Variants in DENND1A observed in about 807,000 individuals in gnomAD.
The protein encoded by DENND1A is DENN domain-containing protein 1A.
DENND1A carries 51 observed loss-of-function variants against 113.7 expected under a neutral mutation model. The observed-to-expected ratio is 0.45, with a 90% CI of 0.36 to 0.57. The LOEUF is 0.57. DENND1A is among the 20% of genes least tolerant of loss of function. DENND1A has a pLI of 0.00. For synonymous variants in DENND1A, 565 were observed against 570.8 expected (o/e 0.99, Z 0.14); for missense variants, 1,258 against 1,395.9 (o/e 0.90, Z 1.57).
chr9:123,402,418 G>T, intron 21 of DENND1A: 1 of 480,012 alleles, frequency 2.1e-6, no homozygotes. Flanking sequence ...TTGACAGCTC[G>T]AAATCATTTT....
At chr9:123,699,710 T>TTC (rs2065766646) in intron 5 of DENND1A, among the ~76,000 whole-genome samples, 1 of 148,856 alleles carries the variant, frequency 6.7e-6, no homozygotes, top group African/African-American at 2.5e-5. Flanking sequence ...TTTTTTTTTT[T>TTC]TATTGGAGAC....
chr9:123,517,781 CAT>C (rs67190558), intron 13 of DENND1A, among the ~76,000 whole-genome samples: 90,539 of 151,682 alleles, frequency 0.6, 28,227 homozygotes, highest in East Asian at 0.71. Context: ...GAGGAAAATC[CAT>C]ATAATTGCAT....
At chr9:123,741,048 T>C (rs2068980767) in intron 5 of DENND1A, among the ~76,000 whole-genome samples, 1 of 152,090 alleles carries the variant, frequency 6.6e-6, no homozygotes, top group African/African-American at 2.4e-5. Flanking sequence ...CTCTCAAGGG[T>C]TCTCTCAATG....
chr9:123,386,211 C>T (rs1041193571), intron 22 of DENND1A, among the ~76,000 whole-genome samples: 3 of 151,914 alleles, frequency 2.0e-5, no homozygotes, highest in Admixed American at 6.6e-5. Context: ...TAATTAGCAA[C>T]AGAAATAATA....
intron 13 of DENND1A, among the ~76,000 whole-genome samples, chr9:123,485,117 C>G: frequency 6.6e-6 from 1 of 152,196 alleles, no homozygotes; most frequent in East Asian, 1.9e-4. Context: ...CCTCAGGATC[C>G]CCAGTGTTGG....
intron 2 of DENND1A, among the ~76,000 whole-genome samples, chr9:123,794,736 A>C (rs1833517285): frequency 6.6e-6 from 1 of 152,198 alleles, no homozygotes; most frequent in African/African-American, 2.4e-5. Context: ...TCAGTCAACT[A>C]TATTAATAAG....
intron 12 of DENND1A, among the ~76,000 whole-genome samples, chr9:123,573,337 G>C (rs1019456633): frequency 1.3e-5 from 2 of 152,058 alleles, no homozygotes; most frequent in South Asian, 2.1e-4. Context: ...TCTGGAATTT[G>C]GGTTGGGATT....
chr9:123,559,475 T>C (rs1334767151), intron 12 of DENND1A, among the ~76,000 whole-genome samples: 2 of 152,142 alleles, frequency 1.3e-5, no homozygotes, highest in African/African-American at 2.4e-5. Flanking sequence ...GTGAAGATTA[T>C]TTTTCTGGGC....
chr9:123,704,352 T>C (rs1419528412), intron 5 of DENND1A, among the ~76,000 whole-genome samples: 3 of 152,124 alleles, frequency 2.0e-5, no homozygotes, highest in Non-Finnish European at 4.4e-5. Flanking sequence ...ATCTTTAGTG[T>C]AAGGATAAAA....
intron 13 of DENND1A, among the ~76,000 whole-genome samples, chr9:123,498,373 G>A (rs1049304919): frequency 1.3e-5 from 2 of 152,124 alleles, no homozygotes; most frequent in East Asian, 1.9e-4. Context: ...GATCACCAGC[G>A]TGCTGGTCAA....
In DENND1A at chr9:123,383,877, G is replaced by A. The variant is rs201558847; in HGVS notation, c.1797C>T (p.Ser599=). 1.3e-4 allele frequency: 207 copies of A among 1,612,668 alleles called. No individual in the cohort carries two copies. The East Asian group carries it at 1.4e-3, about 11-fold the overall frequency. ...QPYRTLRESD[S]AEGDEAESPE... Reference sequence around the variant, plus strand: ...GACTCTCTGCCTCGTCGCCTTCCGCGCTGTCTGACTCCCTGAGTGTCCGAT... The same window carrying A: ...GACTCTCTGCCTCGTCGCCTTCCGCACTGTCTGACTCCCTGAGTGTCCGAT... Residue 599 remains serine (S), a synonymous_variant, in exon 23 of 24, where the codon AGC becomes AGT. Transcript: ENST00000394215.
chr9:123,806,359 G>A (rs1229395827), intron 2 of DENND1A, among the ~76,000 whole-genome samples: 2 of 152,070 alleles, frequency 1.3e-5, no homozygotes, highest in African/African-American at 2.4e-5. Context: ...GGGTTCAAGC[G>A]ATTCTCCCGC....
intron 1 of DENND1A, among the ~76,000 whole-genome samples, chr9:123,910,603 A>G (rs1387344120): frequency 6.6e-6 from 1 of 152,244 alleles, no homozygotes; most frequent in East Asian, 1.9e-4. Flanking sequence ...AAAGAAAGGA[A>G]AGGATCAATA....
intron 5 of DENND1A, among the ~76,000 whole-genome samples, chr9:123,720,778 G>C (rs1104834): frequency 6.6e-6 from 1 of 152,074 alleles, no homozygotes; most frequent in Non-Finnish European, 1.5e-5. Context: ...TCCAGCATGC[G>C]TGGGCTGCCT....
chr9:123,625,660 C>G (rs1485531988), intron 10 of DENND1A, among the ~76,000 whole-genome samples: 1 of 152,200 alleles, frequency 6.6e-6, no homozygotes, highest in Non-Finnish European at 1.5e-5. Context: ...AGGAGAATCG[C>G]TTGAACCCAG....
chr9:123,458,758 A>G (rs12347448), intron 13 of DENND1A, among the ~76,000 whole-genome samples: 19,240 of 152,104 alleles, frequency 0.13, 1,429 homozygotes, highest in African/African-American at 0.2. Flanking sequence ...GGTTGGGAGT[A>G]TAAGACCAGG....
At chr9:123,677,734 T>C (rs891263448) in intron 5 of DENND1A, among the ~76,000 whole-genome samples, 1 of 152,190 alleles carries the variant, frequency 6.6e-6, no homozygotes, top group Admixed American at 6.5e-5. Flanking sequence ...TGGCCACGGC[T>C]CTTAGAATGG....
intron 11 of DENND1A, among the ~76,000 whole-genome samples, chr9:123,596,229 C>G (rs1487061261): frequency 6.6e-6 from 1 of 152,184 alleles, no homozygotes; most frequent in Non-Finnish European, 1.5e-5. Flanking sequence ...ATGCCAAGCA[C>G]AGTGAACAAC....
intron 2 of DENND1A, among the ~76,000 whole-genome samples, chr9:123,859,669 A>G (rs1025921717): frequency 6.6e-6 from 1 of 152,170 alleles, no homozygotes; most frequent in African/African-American, 2.4e-5. Flanking sequence ...GAATGCTTAC[A>G]AAGTGTGAAG....
Sources: allele counts gnomAD v4.1 joint callset (sites outside exome capture counted in the v4.1 genomes callset), GRCh38; gene constraint gnomAD v4.1.1; transcripts MANE v1.5; gene names NCBI Gene and HGNC (gene_info 2026-07-23, HGNC 2026-07-21).